The following GMDS variants were observed in gnomAD, a reference collection of about 807,000 sequenced individuals.
GMDS encodes GDP-mannose 4,6 dehydratase.
Under a neutral mutation model 49.9 loss-of-function variants are expected in GMDS, and 20 were observed. The ratio of observed to expected loss-of-function variants is 0.40; its 90% CI spans 0.28 to 0.58. The LOEUF (loss-of-function observed/expected upper bound fraction) is 0.58. Among genes scored for constraint, GMDS ranks in the 20% least tolerant of loss-of-function variants. The pLI is 0.42. For missense variants in GMDS, 362 were observed against 481.4 expected (o/e 0.75, Z 2.32); for synonymous variants, 177 against 178.6 (o/e 0.99, Z 0.07).
In GMDS at chr6:1,709,077, A is replaced by G. The variant is rs114957870; in HGVS notation, c.987+17339T>C. On this transcript the variant is annotated intron_variant, in intron 9 of 10. Coordinates refer to ENST00000380815, the MANE Select transcript of GMDS (RefSeq NM_001500.4). The stretch of plus-strand genomic sequence containing the variant: ...ACTCAGCTCCACAGGTAGGCATGAC[A>G]GGTTATGTCCCCTGAATGCACAGCA... Among the ~76,000 whole-genome samples the G allele has an allele frequency of 6.1e-3, 926 of 152,320 alleles. 5 individuals carry two copies. The highest frequency in any genetic ancestry group is 0.021 in the African/African-American group (893 of 41,578).
At chr6:1,775,722 T>C (rs1768774239) in intron 7 of GMDS, among the ~76,000 whole-genome samples, 1 of 152,338 alleles carries the variant, frequency 6.6e-6, no homozygotes, top group Admixed American at 6.5e-5. Context: ...ATGAAAGTTT[T>C]TTGTTTTTCT....
chr6:2,030,182 A>T (rs1768865298), intron 4 of GMDS, among the ~76,000 whole-genome samples: 1 of 152,186 alleles, frequency 6.6e-6, no homozygotes, highest in South Asian at 2.1e-4. Context: ...CCTCCACAAG[A>T]GTCTGTGGGT....
intron 7 of GMDS, among the ~76,000 whole-genome samples, chr6:1,891,152 C>T (rs1324127420): frequency 6.6e-6 from 1 of 152,196 alleles, no homozygotes; most frequent in Non-Finnish European, 1.5e-5. Flanking sequence ...GTGCCTCCCC[C>T]ACACAGGCAT....
chr6:1,642,886 T>C (rs1360264538), intron 9 of GMDS, among the ~76,000 whole-genome samples: 1 of 152,128 alleles, frequency 6.6e-6, no homozygotes, highest in Admixed American at 6.6e-5. Context: ...TTCCCTTTAC[T>C]CCTTATGGAG....
intron 7 of GMDS, among the ~76,000 whole-genome samples, chr6:1,818,761 A>G (rs1285589619): frequency 2.6e-5 from 4 of 152,126 alleles, no homozygotes; most frequent in Admixed American, 6.5e-5. Context: ...AAATATACAT[A>G]GACCCTGGAT....
At chr6:1,958,323 G>A (rs1763755762) in intron 6 of GMDS, among the ~76,000 whole-genome samples, 2 of 151,836 alleles carry the variant, frequency 1.3e-5, no homozygotes, top group African/African-American at 4.8e-5. Flanking sequence ...AAAGTTGAGG[G>A]AGGAAGAACA....
intron 4 of GMDS, among the ~76,000 whole-genome samples, chr6:1,993,923 C>T (rs988779732): frequency 2.6e-5 from 4 of 152,204 alleles, no homozygotes; most frequent in African/African-American, 9.6e-5. Context: ...GTCTCCCACT[C>T]CATGGGGCTC....
At chr6:2,030,704 A>T (rs138475916) in intron 4 of GMDS, among the ~76,000 whole-genome samples, 3 of 152,044 alleles carry the variant, frequency 2.0e-5, no homozygotes, top group Admixed American at 6.5e-5. Flanking sequence ...TAAGTAGTAC[A>T]GTTGACAAAC....
chr6:1,861,302 A>G (rs1758171616), intron 7 of GMDS, among the ~76,000 whole-genome samples: 1 of 152,220 alleles, frequency 6.6e-6, no homozygotes, highest in South Asian at 2.1e-4. Context: ...ATGGGAAGAG[A>G]TGATGAAACA....
intron 6 of GMDS, among the ~76,000 whole-genome samples, chr6:1,944,074 A>G (rs1406682074): frequency 6.6e-6 from 1 of 152,218 alleles, no homozygotes; most frequent in Admixed American, 6.5e-5. Context: ...TGATAGAGCT[A>G]TTTCACAGAA....
intron 10 of GMDS, 70 bp downstream of exon 10, chr6:1,624,402 G>T: frequency 6.9e-7 from 1 of 1,445,004 alleles, no homozygotes; most frequent in Non-Finnish European, 9.6e-7. Context: ...TCAGGCGCCC[G>T]ACCCTGAGAG....
intron 9 of GMDS, among the ~76,000 whole-genome samples, chr6:1,641,718 C>CTG (rs1763337556): frequency 6.6e-6 from 1 of 152,116 alleles, no homozygotes; most frequent in South Asian, 2.1e-4. Context: ...CTCTCTCTCT[C>CTG]TCTCTCTCTC....
intron 7 of GMDS, among the ~76,000 whole-genome samples, chr6:1,770,659 T>C (rs1008974949): frequency 1.3e-5 from 2 of 152,254 alleles, no homozygotes; most frequent in African/African-American, 4.8e-5. Context: ...TCAAACTTGC[T>C]TTCCTGTTTT....
chr6:1,763,289 G>A (rs78700634), intron 7 of GMDS, among the ~76,000 whole-genome samples: 1,619 of 152,286 alleles, frequency 0.011, 23 homozygotes, highest in African/African-American at 0.037. Flanking sequence ...AACCAAAAAT[G>A]AAAAAGAACA....
intron 9 of GMDS, among the ~76,000 whole-genome samples, chr6:1,712,247 T>C (rs980455509): frequency 6.6e-6 from 1 of 152,258 alleles, no homozygotes. Flanking sequence ...AATACTCCGG[T>C]ATCTTTGATC....
chr6:2,146,457 A>G (rs2127533414), intron 1 of GMDS, among the ~76,000 whole-genome samples: 1 of 152,326 alleles, frequency 6.6e-6, no homozygotes, highest in African/African-American at 2.4e-5. Context: ...GGAAAAGATT[A>G]TACTTCGTTT....
intron 2 of GMDS, 46 bp downstream of exon 2, chr6:2,124,641 C>A (rs200882391): frequency 4.0e-6 from 6 of 1,499,628 alleles, no homozygotes; most frequent in South Asian, 1.1e-5. Flanking sequence ...CCGCTGCATG[C>A]GAGCAACCCC....
At chr6:1,856,138 T>G (rs959173735) in intron 7 of GMDS, among the ~76,000 whole-genome samples, 2 of 152,206 alleles carry the variant, frequency 1.3e-5, no homozygotes, top group South Asian at 2.1e-4. Flanking sequence ...GTTTTGTATT[T>G]TGGAATTATG....
intron 7 of GMDS, among the ~76,000 whole-genome samples, chr6:1,759,853 G>C (rs1163811336): frequency 1.3e-5 from 2 of 152,148 alleles, no homozygotes; most frequent in Non-Finnish European, 2.9e-5. Context: ...AGTCAAGCCA[G>C]GTGTATTTAA....
Sources: allele counts gnomAD v4.1 joint callset (sites outside exome capture counted in the v4.1 genomes callset), GRCh38; gene constraint gnomAD v4.1.1; transcripts MANE v1.5; gene names NCBI Gene and HGNC (gene_info 2026-07-23, HGNC 2026-07-21).